ADAM10: variants seen among roughly 807,000 people sequenced by gnomAD.
The protein encoded by ADAM10 is disintegrin and metalloproteinase domain-containing protein 10.
ADAM10 carries 17 observed loss-of-function variants against 90.1 expected under a neutral mutation model. That is an observed-to-expected ratio of 0.19 (90% CI 0.13 to 0.28). The LOEUF is 0.28. Among genes scored for constraint, ADAM10 ranks in the 10% least tolerant of loss-of-function variants. The pLI, the probability that ADAM10 is intolerant of heterozygous loss-of-function variation, is 1.00. For synonymous variants in ADAM10, 310 were observed against 298.6 expected, an observed-to-expected ratio of 1.04 and a Z score of -0.40; for missense variants, 610 against 914.3, an observed-to-expected ratio of 0.67 and a Z score of 4.29.
At chr15:58,723,994 G>T (rs1378609321) in intron 1 of ADAM10, among the ~76,000 whole-genome samples, 2 of 152,064 alleles carry the variant, frequency 1.3e-5, no homozygotes. Flanking sequence ...ACTATGGGAG[G>T]CCGAGGCAGG....
rs191167444 is a variant in ADAM10, at chr15:58,666,493, C to T, written c.485-1296G>A. On this transcript the variant is annotated intron_variant, in intron 4 of 15. Transcript: ENST00000260408. ...TTTCATTCACCTAGTTAACACCAGGCAGTCCTTGCTTTGCCACACCAGTAA... is the reference window on the plus strand; with the variant it reads ...TTTCATTCACCTAGTTAACACCAGGTAGTCCTTGCTTTGCCACACCAGTAA... 1.2e-3 allele frequency among the ~76,000 whole-genome samples: 181 copies of T among 151,996 alleles called. 1 individual carries two copies. The highest frequency in any genetic ancestry group is 4.2e-3 in the African/African-American group (174 of 41,510).
chr15:58,603,043 A>T (rs1302070791), intron 14 of ADAM10, among the ~76,000 whole-genome samples: 1 of 152,248 alleles, frequency 6.6e-6, no homozygotes, highest in Non-Finnish European at 1.5e-5. Context: ...CTGGCTTGGA[A>T]TTTAAAACTT....
chr15:58,640,262 C>T (rs1370214651), intron 8 of ADAM10, among the ~76,000 whole-genome samples: 1 of 152,116 alleles, frequency 6.6e-6, no homozygotes, highest in East Asian at 1.9e-4. Flanking sequence ...CTCTTTCATG[C>T]AGTGCTTCCC....
intron 1 of ADAM10, 98 bp from the exon 2 acceptor site, chr15:58,717,825 A>C: frequency 6.7e-7 from 1 of 1,487,834 alleles, no homozygotes; most frequent in South Asian, 1.2e-5. Flanking sequence ...GTATGAAACA[A>C]CTTCTCCCTA....
At chr15:58,669,854 T>TTAA (rs1290228782) in intron 4 of ADAM10, among the ~76,000 whole-genome samples, 1 of 152,130 alleles carries the variant, frequency 6.6e-6, no homozygotes, top group Admixed American at 6.5e-5. Flanking sequence ...TTATGCTGAG[T>TTAA]TAAAGCCAGA....
At chr15:58,668,703 T>C (rs1200616744) in intron 4 of ADAM10, among the ~76,000 whole-genome samples, 2 of 152,244 alleles carry the variant, frequency 1.3e-5, no homozygotes, top group East Asian at 3.9e-4. Context: ...ACATTTTGAC[T>C]CTCTATTACT....
chr15:58,691,668 TTC>T (rs1306995564), intron 2 of ADAM10: 1 of 328,692 alleles, frequency 3.0e-6, no homozygotes, highest in Admixed American at 4.3e-5. Context: ...CTCAAGCCAC[TTC>T]TTCTTCTTTT....
At position 58,638,066 on chromosome 15, in the gene ADAM10, G is replaced by C. The variant is rs187447568; in HGVS notation, c.1012+2711C>G. 5.9e-5 allele frequency among the ~76,000 whole-genome samples: 9 copies of C among 152,290 alleles called. No homozygotes were observed. In the East Asian group the frequency reaches 1.7e-3, roughly 29 times the overall value. On this transcript the variant is annotated intron_variant, in intron 8 of 15. Transcript: ENST00000260408. ...GAAAAAGTTGGACCAAAGGAACAAA[G>C]ATCCCTTTTCTTTCCCACTATGGCC...
In ADAM10 at chr15:58,749,060, A is replaced by G. The variant is rs1413255824; in HGVS notation, c.55+420T>C. 1.5e-5 allele frequency: 6 copies of G among 398,824 alleles called. No homozygotes were observed. In the East Asian group the frequency reaches 2.1e-4, roughly 14 times the overall value. 24.7% of individuals were successfully genotyped at this position (398,824 alleles called of 1,614,324 possible). On this transcript the variant is annotated intron_variant, in intron 1 of 15. Coordinates refer to ENST00000260408, the MANE Select transcript of ADAM10 (RefSeq NM_001110.4). ...GGCTGGGGGAGGAATGGTGAGCAGG[A>G]TGAGCGCTGAACGAGGACGGCGAGA...
intron 7 of ADAM10, among the ~76,000 whole-genome samples, chr15:58,643,081 C>T (rs1896458469): frequency 2.0e-5 from 3 of 151,410 alleles, no homozygotes; most frequent in East Asian, 1.9e-4. Flanking sequence ...TTTTTAAGTT[C>T]GGTTGTTTAT....
rs192743419 is a variant in ADAM10 at position 58,745,733 on chromosome 15, A to G, written c.55+3747T>C. ...GGGAACAACATACCCACAGTACCCA[A>G]GCAGGTAACAAAAATGAGTGAAAAA... On this transcript the variant is annotated intron_variant, in intron 1 of 15. Transcript: ENST00000260408. Among the ~76,000 whole-genome samples the G allele has an allele frequency of 3.9e-5, 6 of 152,312 alleles. No individual in the cohort carries two copies. In the East Asian group the frequency reaches 1.2e-3, roughly 29 times the overall value.
chr15:58,709,300 C>A (rs1224573129), intron 2 of ADAM10, among the ~76,000 whole-genome samples: 1 of 152,078 alleles, frequency 6.6e-6, no homozygotes, highest in African/African-American at 2.4e-5. Context: ...ACTTATCTCA[C>A]AAAAGATCCA....
chr15:58,739,235 G>A (rs1259537147), intron 1 of ADAM10, among the ~76,000 whole-genome samples: 4 of 152,098 alleles, frequency 2.6e-5, no homozygotes, highest in East Asian at 1.9e-4. Flanking sequence ...GGCCGGGCGC[G>A]GTGGCTCACG....
At chr15:58,690,481 A>G (rs1449007932) in intron 2 of ADAM10, among the ~76,000 whole-genome samples, 1 of 152,230 alleles carries the variant, frequency 6.6e-6, no homozygotes, top group Non-Finnish European at 1.5e-5. Flanking sequence ...TAAAAACAGC[A>G]TATTCTTTAT....
At chr15:58,719,255 C>T (rs916165248) in intron 1 of ADAM10, among the ~76,000 whole-genome samples, 15 of 151,854 alleles carry the variant, frequency 9.9e-5, no homozygotes, top group African/African-American at 3.4e-4. Context: ...ACCCAGGAGG[C>T]AGAGGTTGTA....
At chr15:58,623,982 T>A (rs1163949547) in intron 10 of ADAM10, among the ~76,000 whole-genome samples, 49 of 137,348 alleles carry the variant, frequency 3.6e-4, no homozygotes, top group Non-Finnish European at 6.0e-4. Flanking sequence ...AAGTGAAATT[T>A]AAAAAAAAAA....
At chr15:58,702,859 A>T (rs1011110932) in intron 2 of ADAM10, among the ~76,000 whole-genome samples, 10 of 152,224 alleles carry the variant, frequency 6.6e-5, no homozygotes, top group African/African-American at 2.4e-4. Context: ...GCAGGTAAAT[A>T]GTAGAAAGAA....
chr15:58,710,826 T>C (rs769062883), intron 2 of ADAM10, among the ~76,000 whole-genome samples: 6 of 152,208 alleles, frequency 3.9e-5, no homozygotes, highest in Non-Finnish European at 7.3e-5. Context: ...GTTCCCTAGA[T>C]TCTTACCTCT....
chr15:58,614,111 G>A lies in ADAM10; in HGVS notation c.1512-2120C>T, dbSNP rs372695725. 1.2e-3 allele frequency among the ~76,000 whole-genome samples: 176 copies of A among 152,064 alleles called. 3 individuals are homozygous for A. The highest frequency in any genetic ancestry group is 4.9e-4 in the Non-Finnish European group (33 of 67,976). ...TCACTTGTCAGGAGCTTGAAACCCC[G>A]TCTCTACTAAAAATACGAAAAAAAC... On this transcript the variant is annotated intron_variant, in intron 11 of 15. Transcript: ENST00000260408.
Sources: allele counts gnomAD v4.1 joint callset (sites outside exome capture counted in the v4.1 genomes callset), GRCh38; gene constraint gnomAD v4.1.1; transcripts MANE v1.5; gene names NCBI Gene and HGNC (gene_info 2026-07-23, HGNC 2026-07-21).